Variants in ITGA1 observed in about 807,000 individuals in gnomAD.
ITGA1 encodes the protein integrin subunit alpha 1.
ITGA1 carries 85 observed loss-of-function variants against 145.9 expected under a neutral mutation model. The ratio of observed to expected loss-of-function variants is 0.58; its 90% CI spans 0.49 to 0.70. ITGA1 has a LOEUF of 0.70. Ranked by LOEUF, ITGA1 falls within the 30% of genes least tolerant of loss-of-function variation. ITGA1 has a pLI of 0.00. For synonymous variants in ITGA1, 520 were observed against 495.3 expected (o/e 1.05, Z -0.66); for missense variants, 1,351 against 1,418.7 (o/e 0.95, Z 0.77).
chr5:52,937,615 C>A, intron 24 of ITGA1, 101 bp downstream of exon 24: 1 of 742,254 alleles, frequency 1.3e-6, no homozygotes, highest in Non-Finnish European at 2.4e-6. Context: ...AGAATTTTAC[C>A]AAAGTAACAT....
chr5:52,861,469 G>C lies in ITGA1; in HGVS notation c.205G>C (p.Val69Leu). 2 of 1,613,370 alleles carry C rather than the reference G, an allele frequency of 1.2e-6. No individual in the cohort carries two copies. The highest frequency in any genetic ancestry group is 3.3e-5 in the Admixed American group (2 of 59,962). ...GKWVLIGSPL[V>L]GQPKNRTGDV... is the part of the protein sequence containing the mutation. ...CAGGGTGCTTATTGGTTCTCCGTTAGTTGGCCAACCCAAAAACAGAACTGG... is the reference window on the plus strand; with the variant it reads ...CAGGGTGCTTATTGGTTCTCCGTTACTTGGCCAACCCAAAAACAGAACTGG... Residue 69 changes from valine (V) to leucine (L), a missense_variant, in exon 3 of 29, where the codon GTT (valine) becomes CTT (leucine). Val to Leu is a conservative substitution (Grantham distance 32). Transcript: ENST00000282588.
intron 3 of ITGA1, among the ~76,000 whole-genome samples, chr5:52,863,515 C>A (rs1275153215): frequency 6.6e-6 from 1 of 152,106 alleles, no homozygotes; most frequent in Non-Finnish European, 1.5e-5. Flanking sequence ...AAACAAAACA[C>A]AAAAGCACAA....
In ITGA1 at chr5:52,898,329, A is replaced by T. The variant is rs767235854; in HGVS notation, c.1255A>T (p.Thr419Ser). 4 of 1,611,450 alleles carry T rather than the reference A, an allele frequency of 2.5e-6. No individual in the cohort carries two copies. The South Asian group carries it at 3.3e-5, about 13-fold the overall frequency. ...TAGTCAAATCATAATCCCTCGAAAC[A>T]CAACCTTTAATGTTGAGTCTACCAA... is the stretch of plus-strand genomic sequence containing the variant. ...KASQIIIPRN[T>S]TFNVESTKKN... The change falls in exon 11 of 29, where the codon ACA (threonine) becomes TCA (serine). Residue 419 changes from threonine to serine, a missense_variant. By Grantham distance (58) the Thr-to-Ser change is moderately conservative. Transcript: ENST00000282588.
chr5:52,910,984 T>A (rs1445928924), intron 14 of ITGA1, among the ~76,000 whole-genome samples: 1 of 118,598 alleles, frequency 8.4e-6, no homozygotes, highest in Non-Finnish European at 1.6e-5. Context: ...ATATAGTATG[T>A]ATACTATATA....
chr5:52,814,333 T>A (rs1010561459), intron 1 of ITGA1, among the ~76,000 whole-genome samples: 1 of 152,076 alleles, frequency 6.6e-6, no homozygotes, highest in Non-Finnish European at 1.5e-5. Flanking sequence ...AGGCGGGTTT[T>A]CGCCATGTTG....
At chr5:52,809,063 T>C (rs561959928) in intron 1 of ITGA1, among the ~76,000 whole-genome samples, 14 of 152,242 alleles carry the variant, frequency 9.2e-5, no homozygotes, top group Non-Finnish European at 1.6e-4. Context: ...CTGAGCAGCA[T>C]TGCTGAGACT....
chr5:52,841,820 AC>A lies in ITGA1; in HGVS notation c.62-7544del, dbSNP rs147929565. On this transcript the variant is annotated intron_variant, in intron 1 of 28. Coordinates refer to ENST00000282588, the MANE Select transcript of ITGA1 (RefSeq NM_181501.2). ...ATACTTAATATATCACCTTTTAGTT[AC>A]AGTGAGAATATATGACTTTAGGAGT... is the stretch of plus-strand genomic sequence containing the variant. Among the ~76,000 whole-genome samples, 462 of 152,306 alleles carry A rather than the reference AC, an allele frequency of 3.0e-3. 1 individual carries two copies. The highest frequency in any genetic ancestry group is 0.01 in the African/African-American group (420 of 41,566).
chr5:52,951,652 C>T (rs548060069), intron 28 of ITGA1, among the ~76,000 whole-genome samples: 8 of 152,196 alleles, frequency 5.3e-5, no homozygotes, highest in South Asian at 2.1e-4. Flanking sequence ...ATCTCCCTAA[C>T]GCCCTAGCCA....
At position 52,832,781 on chromosome 5, in the gene ITGA1, G is replaced by GTGTGTC. The variant is rs759943223; in HGVS notation, c.62-16579_62-16578insCTGTGT. Among the ~76,000 whole-genome samples, 700 of 142,528 alleles carry GTGTGTC rather than the reference G, an allele frequency of 4.9e-3. 7 individuals carry two copies. Among genetic ancestry groups the GTGTGTC allele is most frequent in the East Asian group, 0.037 (181 of 4,942 alleles). The allele number at this position is 142,528 out of a possible 152,430, so 93.5% of individuals were successfully genotyped here. ...TATATAAATCTGTGTGTGTGTGTGT[G>GTGTGTC]TGTGTGTGTGTGTGTGTGTGTGTGT... On this transcript the variant is annotated intron_variant, in intron 1 of 28. Transcript: ENST00000282588.
At chr5:52,832,867 T>G (rs1749097411) in intron 1 of ITGA1, among the ~76,000 whole-genome samples, 1 of 151,038 alleles carries the variant, frequency 6.6e-6, no homozygotes, top group African/African-American at 2.4e-5. Context: ...TTTTGGTTAC[T>G]TTTTTATTTC....
chr5:52,910,202 A>G lies in ITGA1; in HGVS notation c.1640A>G (p.Gln547Arg), dbSNP rs924939900. 4 of 1,613,604 alleles carry G rather than the reference A, an allele frequency of 2.5e-6. No individual in the cohort carries two copies. The highest frequency in any genetic ancestry group is 3.4e-6 in the Non-Finnish European group (4 of 1,179,556). Residue 547 changes from glutamine to arginine, a missense_variant, in exon 14 of 29, where the codon CAG (glutamine) becomes CGG (arginine). Physicochemically the swap from Gln to Arg is conservative, Grantham distance 43. Transcript: ENST00000282588. ...EYQMSLEPIK[Q>R]TCCSSRQHNS... ...CAAATGAGCCTGGAACCTATTAAGC[A>G]GACGTGCTGTTCATCTCGGCAGCAC...
At chr5:52,881,638 A>G (rs1749961573) in intron 6 of ITGA1, among the ~76,000 whole-genome samples, 1 of 152,236 alleles carries the variant, frequency 6.6e-6, no homozygotes, top group Non-Finnish European at 1.5e-5. Flanking sequence ...AATCTGTTGA[A>G]TTAGATAAAC....
At chr5:52,813,594 GC>G (rs1748717091) in intron 1 of ITGA1, among the ~76,000 whole-genome samples, 1 of 152,184 alleles carries the variant, frequency 6.6e-6, no homozygotes, top group Non-Finnish European at 1.5e-5. Context: ...TGATGGAATA[GC>G]CACCCCCAGA....
chr5:52,793,238 T>C (rs901452442), intron 1 of ITGA1, among the ~76,000 whole-genome samples: 1 of 152,126 alleles, frequency 6.6e-6, no homozygotes, highest in Non-Finnish European at 1.5e-5. Context: ...TCTTTAACCA[T>C]AACACCTAGA....
chr5:52,869,912 AT>A (rs1328931848), intron 6 of ITGA1, among the ~76,000 whole-genome samples: 3 of 152,164 alleles, frequency 2.0e-5, no homozygotes, highest in African/African-American at 7.2e-5. Context: ...GAAAGGACAT[AT>A]TTACCAAGCC....
chr5:52,838,377 AT>A (rs944332335), intron 1 of ITGA1, among the ~76,000 whole-genome samples: 3 of 152,030 alleles, frequency 2.0e-5, no homozygotes, highest in African/African-American at 2.4e-5. Flanking sequence ...AGGATGGACA[AT>A]TTTTTTTAAT....
In ITGA1 at chr5:52,849,040, G is replaced by A. The variant is rs542638616; in HGVS notation, c.62-325G>A. Among the ~76,000 whole-genome samples the A allele has an allele frequency of 3.1e-4, 47 of 152,220 alleles. No homozygotes were observed. In the East Asian group the frequency reaches 3.9e-3, roughly 13 times the overall value. On this transcript the variant is annotated intron_variant, in intron 1 of 28. Coordinates refer to ENST00000282588, the MANE Select transcript of ITGA1 (RefSeq NM_181501.2). ...GTGAACAGTGCCACAATAGACATAC[G>A]TGTGCATGTGTCTTTATAGCAGCAT...
intron 9 of ITGA1, among the ~76,000 whole-genome samples, chr5:52,895,685 T>C (rs1750213476): frequency 6.6e-6 from 1 of 152,088 alleles, no homozygotes; most frequent in Non-Finnish European, 1.5e-5. Context: ...TCAGATTATT[T>C]CTAACCTAAC....
chr5:52,849,954 T>C (rs1211730404), intron 2 of ITGA1, among the ~76,000 whole-genome samples: 1 of 152,114 alleles, frequency 6.6e-6, no homozygotes, highest in African/African-American at 2.4e-5. Context: ...GGGTTTCTGG[T>C]ATCTACCTTC....
Sources: allele counts gnomAD v4.1 joint callset (sites outside exome capture counted in the v4.1 genomes callset), GRCh38; gene constraint gnomAD v4.1.1; transcripts MANE v1.5; gene names NCBI Gene and HGNC (gene_info 2026-07-23, HGNC 2026-07-21).